Variants in GABRG3 observed in about 807,000 individuals in gnomAD.
The protein encoded by GABRG3 is gamma-aminobutyric acid type A receptor subunit gamma3, also known as gamma-aminobutyric acid receptor subunit gamma-3.
Under a neutral mutation model 48.8 loss-of-function variants are expected in GABRG3, and 25 were observed. The ratio of observed to expected loss-of-function variants is 0.51; its 90% CI spans 0.37 to 0.72. The LOEUF (loss-of-function observed/expected upper bound fraction) is 0.72. Ranked by LOEUF, GABRG3 falls within the 30% of genes least tolerant of loss-of-function variation. The pLI is 0.00. For synonymous variants in GABRG3, 227 were observed against 217.6 expected (o/e 1.04, Z -0.38); for missense variants, 394 against 577.9 (o/e 0.68, Z 3.26).
chr15:27,222,415 A>T (rs1255085721), intron 3 of GABRG3, among the ~76,000 whole-genome samples: 2 of 152,272 alleles, frequency 1.3e-5, no homozygotes, highest in East Asian at 1.9e-4. Context: ...TATTAATATG[A>T]TTCCTCTTGG....
At chr15:27,257,174 T>A (rs1368491978) in intron 3 of GABRG3, among the ~76,000 whole-genome samples, 1 of 151,998 alleles carries the variant, frequency 6.6e-6, no homozygotes, top group Non-Finnish European at 1.5e-5. Context: ...GTGGTATGGA[T>A]CATTTTTTAA....
At chr15:26,996,247 C>T (rs1895338013) in intron 2 of GABRG3, among the ~76,000 whole-genome samples, 1 of 151,970 alleles carries the variant, frequency 6.6e-6, no homozygotes, top group African/African-American at 2.4e-5. Context: ...TTTGTGGTCA[C>T]TGGCTTTCAG....
At chr15:27,073,764 G>T (rs1312139035) in intron 3 of GABRG3, among the ~76,000 whole-genome samples, 1 of 152,188 alleles carries the variant, frequency 6.6e-6, no homozygotes, top group African/African-American at 2.4e-5. Flanking sequence ...GACTTGGCTG[G>T]GCCTTCTGCA....
chr15:27,469,993 G>A (rs936861491), intron 5 of GABRG3, among the ~76,000 whole-genome samples: 2 of 152,284 alleles, frequency 1.3e-5, no homozygotes, highest in South Asian at 2.1e-4. Flanking sequence ...CGGACGCTGT[G>A]AAGTGGCATA....
At chr15:27,028,817 A>AG (rs1187428643) in intron 3 of GABRG3, among the ~76,000 whole-genome samples, 1 of 151,804 alleles carries the variant, frequency 6.6e-6, no homozygotes, top group Admixed American at 6.6e-5. Context: ...AAAAAAAAAA[A>AG]AAAAAAAAAT....
chr15:27,485,186 A>T (rs1348463311), intron 6 of GABRG3, among the ~76,000 whole-genome samples: 2 of 152,194 alleles, frequency 1.3e-5, no homozygotes, highest in Non-Finnish European at 2.9e-5. Context: ...ATATGATGCG[A>T]TGAAAATCCA....
At chr15:27,395,430 A>G (rs1167140726) in intron 5 of GABRG3, among the ~76,000 whole-genome samples, 1 of 152,224 alleles carries the variant, frequency 6.6e-6, no homozygotes, top group Non-Finnish European at 1.5e-5. Context: ...TATAATATCT[A>G]AAACAATTTT....
intron 5 of GABRG3, among the ~76,000 whole-genome samples, chr15:27,366,932 G>T (rs1895222960): frequency 1.3e-5 from 2 of 152,090 alleles, no homozygotes; most frequent in Non-Finnish European, 2.9e-5. Flanking sequence ...TGTCACCTCT[G>T]TGATGCCCCT....
intron 3 of GABRG3, among the ~76,000 whole-genome samples, chr15:27,325,170 T>G (rs1460233613): frequency 6.6e-6 from 1 of 152,192 alleles, no homozygotes; most frequent in African/African-American, 2.4e-5. Context: ...CTAGGTTATA[T>G]GACAGAAACA....
chr15:27,476,455 A>T (rs560024952), intron 5 of GABRG3, among the ~76,000 whole-genome samples: 1 of 152,312 alleles, frequency 6.6e-6, no homozygotes, highest in Non-Finnish European at 1.5e-5. Context: ...CAAGTAGACA[A>T]TATCAGTGAA....
At chr15:27,242,703 A>G (rs1865746112) in intron 3 of GABRG3, among the ~76,000 whole-genome samples, 1 of 152,224 alleles carries the variant, frequency 6.6e-6, no homozygotes, top group African/African-American at 2.4e-5. Context: ...AGTAGGATGA[A>G]GAATAGTGCA....
chr15:27,367,102 C>T (rs1317326182), intron 5 of GABRG3, among the ~76,000 whole-genome samples: 1 of 152,158 alleles, frequency 6.6e-6, no homozygotes, highest in East Asian at 1.9e-4. Flanking sequence ...CCGCAGGTCT[C>T]CCTGACTAGC....
chr15:27,215,163 G>A (rs1036539048), intron 3 of GABRG3, among the ~76,000 whole-genome samples: 4 of 152,140 alleles, frequency 2.6e-5, no homozygotes, highest in Admixed American at 2.0e-4. Flanking sequence ...GAAGCAGCTG[G>A]CATGTTTTAG....
At chr15:27,483,838 G>A (rs773518753) in intron 6 of GABRG3, among the ~76,000 whole-genome samples, 26 of 152,160 alleles carry the variant, frequency 1.7e-4, no homozygotes, top group African/African-American at 5.8e-4. Context: ...TCTCTCTGCC[G>A]TCTTTATGCC....
intron 3 of GABRG3, among the ~76,000 whole-genome samples, chr15:27,295,839 A>G (rs970225256): frequency 3.9e-5 from 6 of 152,206 alleles, no homozygotes; most frequent in African/African-American, 1.2e-4. Context: ...GGAAAGGGTA[A>G]GTGTGATCTA....
chr15:27,211,530 G>T (rs889247346), intron 3 of GABRG3, among the ~76,000 whole-genome samples: 1 of 152,202 alleles, frequency 6.6e-6, no homozygotes, highest in Non-Finnish European at 1.5e-5. Flanking sequence ...TAAGTTTGAG[G>T]ACTATTGCTC....
intron 3 of GABRG3, among the ~76,000 whole-genome samples, chr15:27,211,745 T>C (rs1181410851): frequency 6.6e-6 from 1 of 152,224 alleles, no homozygotes; most frequent in Non-Finnish European, 1.5e-5. Flanking sequence ...AGTTCCATCC[T>C]CCCACCTAGA....
chr15:27,255,157 G>A (rs1890573279), intron 3 of GABRG3, among the ~76,000 whole-genome samples: 1 of 152,192 alleles, frequency 6.6e-6, no homozygotes. Context: ...ATGCCAAGCA[G>A]GCAACAAGTT....
intron 5 of GABRG3, among the ~76,000 whole-genome samples, chr15:27,469,557 T>C (rs533027866): frequency 1.4e-4 from 22 of 152,136 alleles, no homozygotes; most frequent in Non-Finnish European, 2.9e-4. Flanking sequence ...ATCAGGCTGG[T>C]CTCGAACTCC....
Sources: allele counts gnomAD v4.1 joint callset (sites outside exome capture counted in the v4.1 genomes callset), GRCh38; gene constraint gnomAD v4.1.1; transcripts MANE v1.5; gene names NCBI Gene and HGNC (gene_info 2026-07-23, HGNC 2026-07-21).